The following ATRN variants were observed in gnomAD, a reference collection of about 807,000 sequenced individuals.
ATRN encodes attractin-2.
Under a neutral mutation model 178.7 loss-of-function variants are expected in ATRN, and 54 were observed. That is an observed-to-expected ratio of 0.30 (90% CI 0.24 to 0.38). ATRN has a LOEUF of 0.38. Among genes scored for constraint, ATRN ranks in the 10% least tolerant of loss-of-function variants. ATRN has a pLI of 1.00. For missense variants in ATRN, 1,443 were observed against 1,815.1 expected, an observed-to-expected ratio of 0.79 and a Z score of 3.73; for synonymous variants, 636 against 663.0, an observed-to-expected ratio of 0.96 and a Z score of 0.63.
chr20:3,602,055 G>T (rs549228198), intron 23 of ATRN, among the ~76,000 whole-genome samples: 1 of 152,040 alleles, frequency 6.6e-6, no homozygotes, highest in East Asian at 1.9e-4. Context: ...CTGGCAGGGC[G>T]TGATAGCTCA....
chr20:3,620,862 A>G (rs1200357389), intron 24 of ATRN, among the ~76,000 whole-genome samples: 1 of 152,254 alleles, frequency 6.6e-6, no homozygotes, highest in Non-Finnish European at 1.5e-5. Flanking sequence ...TTACACAGCC[A>G]TGGTATATGG....
intron 1 of ATRN, among the ~76,000 whole-genome samples, chr20:3,528,868 A>C (rs888142885): frequency 6.6e-6 from 1 of 152,156 alleles, no homozygotes; most frequent in South Asian, 2.1e-4. Flanking sequence ...GCTGCAGTAC[A>C]GTGGCACCAT....
chr20:3,536,073 G>T (rs1397316921), intron 2 of ATRN, among the ~76,000 whole-genome samples: 1 of 152,128 alleles, frequency 6.6e-6, no homozygotes, highest in East Asian at 1.9e-4. Flanking sequence ...GACCCACTGT[G>T]TCCCTCTGGC....
chr20:3,562,340 C>T lies in ATRN; in HGVS notation c.1512C>T (p.Ser504=). 1.9e-6 allele frequency: 3 copies of T among 1,614,086 alleles called. No individual in the cohort carries two copies. The highest frequency in any genetic ancestry group is 2.5e-6 in the Non-Finnish European group (3 of 1,179,990). Reference sequence around the variant, plus strand: ...TTGTGCAAGGGGGTTACGGCCATAGCAGTGTTTACGACCATAGGACCAGGG... The same window carrying T: ...TTGTGCAAGGGGGTTACGGCCATAGTAGTGTTTACGACCATAGGACCAGGG... ...GALVQGGYGH[S]SVYDHRTRAL... The change falls in exon 9 of 29, where the codon AGC becomes AGT. Residue 504 remains serine, a synonymous_variant. Coordinates refer to ENST00000262919, the MANE Select transcript of ATRN (RefSeq NM_139321.3).
chr20:3,517,095 T>G (rs1299253636), intron 1 of ATRN, among the ~76,000 whole-genome samples: 2 of 152,172 alleles, frequency 1.3e-5, no homozygotes, highest in Admixed American at 6.5e-5. Flanking sequence ...TAATTTACAC[T>G]CCCAACAGTG....
chr20:3,527,575 A>G (rs2085385135), intron 1 of ATRN, among the ~76,000 whole-genome samples: 2 of 152,248 alleles, frequency 1.3e-5, no homozygotes, highest in African/African-American at 2.4e-5. Flanking sequence ...TACTGGGTGT[A>G]TACCCAAAGG....
At chr20:3,600,641 C>T (rs1336301787) in intron 22 of ATRN, among the ~76,000 whole-genome samples, 1 of 152,230 alleles carries the variant, frequency 6.6e-6, no homozygotes, top group East Asian at 1.9e-4. Context: ...CAGCACAGGT[C>T]AGGAGATGCA....
chr20:3,620,841 G>A (rs535577380), intron 24 of ATRN, among the ~76,000 whole-genome samples: 51 of 152,300 alleles, frequency 3.3e-4, no homozygotes, highest in African/African-American at 1.2e-3. Flanking sequence ...CTCTTCTCAG[G>A]ATGTCTGTCT....
At chr20:3,565,708 GA>G (rs1568733423) in intron 11 of ATRN, among the ~76,000 whole-genome samples, 2 of 146,870 alleles carry the variant, frequency 1.4e-5, no homozygotes, top group African/African-American at 5.1e-5. Context: ...TGAGGCAGGA[GA>G]ATCACTTGAA....
Position 3,650,407 on chromosome 20 carries a change from C to T in ATRN, c.*3560C>T, listed in dbSNP as rs758844452. ...AGAATTAAAACAAAATCCAAGTCCT[C>T]ACACCCCTGTCATCCCAGGAGATCT... On this transcript the variant is annotated 3_prime_UTR_variant, in exon 29 of 29. Transcript: ENST00000262919. 1 of 152,626 alleles carries T rather than the reference C, an allele frequency of 6.6e-6. No individual in the cohort carries two copies. The highest frequency in any genetic ancestry group is 1.5e-5 in the Non-Finnish European group (1 of 68,046). The allele number at this position is 152,626 out of a possible 1,614,324, so 9.5% of individuals were successfully genotyped here. A position where few individuals can be genotyped will look rare whatever the true frequency, so the allele number is the denominator to read the frequency against.
Position 3,549,301 on chromosome 20 carries a change from T to G in ATRN, c.1075T>G (p.Tyr359Asp), listed in dbSNP as rs1331924303. Reference protein sequence around the residue: ...NGNIMWVVGGYMFNHSDYNMV... With the variant: ...NGNIMWVVGGDMFNHSDYNMV... Reference sequence around the variant, plus strand: ...AAACATTATGTGGGTTGTTGGAGGATATATGTTCAACCACTCAGATTATAA... The same window carrying G: ...AAACATTATGTGGGTTGTTGGAGGAGATATGTTCAACCACTCAGATTATAA... The change falls in exon 6 of 29, where the codon TAT becomes GAT. Residue 359 changes from tyrosine to aspartate, a missense_variant. Physicochemically the swap from Tyr to Asp is radical, Grantham distance 160. Coordinates refer to ENST00000262919, the MANE Select transcript of ATRN (RefSeq NM_139321.3). The G allele has an allele frequency of 1.2e-6, 2 of 1,607,826 alleles. No homozygotes were observed. The highest frequency in any genetic ancestry group is 8.5e-7 in the Non-Finnish European group (1 of 1,178,062).
In ATRN at chr20:3,596,205, T is replaced by C. The variant is rs1185743159; in HGVS notation, c.3417-172T>C. 2.0e-5 allele frequency among the ~76,000 whole-genome samples: 3 copies of C among 152,254 alleles called. No homozygotes were observed. The East Asian group carries it at 5.8e-4, about 29-fold the overall frequency. On this transcript the variant is annotated intron_variant, in intron 20 of 28. Coordinates refer to ENST00000262919, the MANE Select transcript of ATRN (RefSeq NM_139321.3). ...GTGTGAACTGCTGAGCAGTCAGTAT[T>C]GAAGCGTTCATGCATGCTCTTCCTA...
At chr20:3,588,585 T>C (rs2086390857) in intron 18 of ATRN, among the ~76,000 whole-genome samples, 1 of 152,250 alleles carries the variant, frequency 6.6e-6, no homozygotes, top group African/African-American at 2.4e-5. Context: ...TGTTGGATTC[T>C]ATTTGCTAGT....
Position 3,647,405 on chromosome 20 carries a change from C to T in ATRN, c.*558C>T, listed in dbSNP as rs2087115649. The T allele has an allele frequency of 6.5e-6, 1 of 152,854 alleles. No individual in the cohort carries two copies. The allele number at this position is 152,854 out of a possible 1,614,324, so 9.5% of individuals were successfully genotyped here. ...GTTGAGAATTAATAATGGTCCATCT[C>T]TTTTGATCATATCAAGCTAGGATAG... On this transcript the variant is annotated 3_prime_UTR_variant, in exon 29 of 29. Coordinates refer to ENST00000262919, the MANE Select transcript of ATRN (RefSeq NM_139321.3).
chr20:3,519,326 T>A (rs2085255354), intron 1 of ATRN, among the ~76,000 whole-genome samples: 1 of 145,230 alleles, frequency 6.9e-6, no homozygotes, highest in Non-Finnish European at 1.5e-5. Flanking sequence ...CTTGAATACA[T>A]CCATGTGAGA....
Position 3,647,204 on chromosome 20 carries a change from A to C in ATRN, c.*357A>C, listed in dbSNP as rs773496497. On this transcript the variant is annotated 3_prime_UTR_variant, in exon 29 of 29. Transcript: ENST00000262919. ...CTGTCTCAACTGTGCAAAAAACAAAAGATGGAGTGTTTACAAGTAGACATT... is the reference window on the plus strand; with the variant it reads ...CTGTCTCAACTGTGCAAAAAACAAACGATGGAGTGTTTACAAGTAGACATT... 6.8e-5 allele frequency: 11 copies of C among 162,564 alleles called. No individual in the cohort carries two copies. Among genetic ancestry groups the C allele is most frequent in the Non-Finnish European group, 9.4e-5 (7 of 74,754 alleles). 10.1% of individuals were successfully genotyped at this position (162,564 alleles called of 1,614,324 possible).
intron 1 of ATRN, among the ~76,000 whole-genome samples, chr20:3,488,598 T>C (rs563373312): frequency 4.6e-5 from 7 of 152,356 alleles, no homozygotes; most frequent in African/African-American, 1.7e-4. Context: ...TCTATCCTTA[T>C]GCCAGTAATA....
chr20:3,474,728 A>G (rs2084493775), intron 1 of ATRN, among the ~76,000 whole-genome samples: 1 of 146,962 alleles, frequency 6.8e-6, no homozygotes, highest in Admixed American at 6.9e-5. Flanking sequence ...AACAACAACA[A>G]AAACTCAATA....
intron 6 of ATRN, among the ~76,000 whole-genome samples, chr20:3,552,666 A>G (rs2085807009): frequency 6.6e-6 from 1 of 152,216 alleles, no homozygotes; most frequent in South Asian, 2.1e-4. Context: ...ATTCTCATCT[A>G]GAGGCCTGAG....
Sources: allele counts gnomAD v4.1 joint callset (sites outside exome capture counted in the v4.1 genomes callset), GRCh38; gene constraint gnomAD v4.1.1; transcripts MANE v1.5; gene names NCBI Gene and HGNC (gene_info 2026-07-23, HGNC 2026-07-21).